The following COMMD1 variants were observed in gnomAD, a reference collection of about 807,000 sequenced individuals.
The protein encoded by COMMD1 is COMM domain-containing protein 1.
A neutral mutation model predicts 17.2 loss-of-function variants in COMMD1; 10 were observed. The ratio of observed to expected loss-of-function variants is 0.58; its 90% CI spans 0.36 to 0.99. The LOEUF is 0.99. Among genes scored for constraint, COMMD1 ranks in the 50% least tolerant of loss-of-function variants. COMMD1 has a pLI of 0.01. For synonymous variants in COMMD1, 97 were observed against 91.6 expected (o/e 1.06, Z -0.34); for missense variants, 270 against 231.8 (o/e 1.17, Z -1.07).
At chr2:61,903,727 A>AT (rs1281048335), upstream of COMMD1, among the ~76,000 whole-genome samples, 2 of 150,252 alleles carry the variant, frequency 1.3e-5, no homozygotes, top group Admixed American at 6.6e-5. Flanking sequence ...TAATTTTTGT[A>AT]TTTTCAGTTT....
chr2:62,115,989 G>A (rs1428390989), intron 2 of COMMD1, among the ~76,000 whole-genome samples: 1 of 151,412 alleles, frequency 6.6e-6, no homozygotes, highest in Non-Finnish European at 1.5e-5. Context: ...AGTAGCTACA[G>A]GCATGAGGCA....
At chr2:62,009,919 TA>T (rs1669231669) in intron 2 of COMMD1, among the ~76,000 whole-genome samples, 1 of 152,142 alleles carries the variant, frequency 6.6e-6, no homozygotes, top group Non-Finnish European at 1.5e-5. Context: ...ACTAGTGAAA[TA>T]AAAATGTAAG....
chr2:61,960,289 T>G (rs1671306968), intron 1 of COMMD1, among the ~76,000 whole-genome samples: 1 of 152,234 alleles, frequency 6.6e-6, no homozygotes, highest in Non-Finnish European at 1.5e-5. Flanking sequence ...ACTTTGTTGT[T>G]TGGCCTGATC....
chr2:62,061,716 C>T (rs556335061), intron 2 of COMMD1, among the ~76,000 whole-genome samples: 22 of 151,606 alleles, frequency 1.5e-4, no homozygotes, highest in Non-Finnish European at 7.4e-5. Context: ...CCACCATGCC[C>T]GGCTAATTTT....
At chr2:61,928,093 A>T (rs1024865499) in intron 1 of COMMD1, among the ~76,000 whole-genome samples, 3 of 151,810 alleles carry the variant, frequency 2.0e-5, no homozygotes, top group African/African-American at 7.2e-5. Flanking sequence ...GACCAGTGTG[A>T]TAGTAACCTT....
At chr2:61,958,376 C>T (rs1015673322) in intron 1 of COMMD1, among the ~76,000 whole-genome samples, 6 of 151,900 alleles carry the variant, frequency 3.9e-5, no homozygotes, top group Non-Finnish European at 7.4e-5. Context: ...AAGCTATTCT[C>T]CTGCCTCAGC....
chr2:61,999,441 T>C (rs1027773522), intron 1 of COMMD1, among the ~76,000 whole-genome samples: 2 of 152,216 alleles, frequency 1.3e-5, no homozygotes, highest in African/African-American at 4.8e-5. Context: ...AAAGCTAAGA[T>C]AAATACATTC....
chr2:62,056,549 C>T (rs1384470254), intron 2 of COMMD1, among the ~76,000 whole-genome samples: 1 of 152,152 alleles, frequency 6.6e-6, no homozygotes, highest in Non-Finnish European at 1.5e-5. Context: ...TTTAAGTCGG[C>T]AGATAAAGTG....
chr2:62,030,178 T>C (rs1669875256), intron 2 of COMMD1, among the ~76,000 whole-genome samples: 1 of 152,222 alleles, frequency 6.6e-6, no homozygotes, highest in Admixed American at 6.5e-5. Context: ...GATGGGGGTC[T>C]TATGGCCCAC....
At chr2:61,944,732 A>C (rs1241755172) in intron 1 of COMMD1, among the ~76,000 whole-genome samples, 1 of 152,048 alleles carries the variant, frequency 6.6e-6, no homozygotes, top group African/African-American at 2.4e-5. Context: ...TCTGCCCATC[A>C]CTCGTGAAAA....
intron 2 of COMMD1, among the ~76,000 whole-genome samples, chr2:62,014,542 CTTTTTTTTTTTTTTTTTTTTTTT>C (rs67886279): frequency 2.4e-4 from 15 of 63,536 alleles, no homozygotes; most frequent in East Asian, 1.3e-3. Flanking sequence ...CCATTTTAAC[CTTTTTTTTTTTTTTTTTTTTTTT>C]TTTTTTTTTT....
At chr2:61,904,375 A>T (rs1008871258), upstream of COMMD1, among the ~76,000 whole-genome samples, 2 of 152,196 alleles carry the variant, frequency 1.3e-5, no homozygotes, top group African/African-American at 4.8e-5. Context: ...ATGACTGTAG[A>T]GTGAGGAAAG....
Position 62,025,970 on chromosome 2 carries a change from G to A in COMMD1, c.462+24988G>A, listed in dbSNP as rs181255775. 6.6e-5 allele frequency among the ~76,000 whole-genome samples: 10 copies of A among 152,134 alleles called. No homozygotes were observed. In the East Asian group the frequency reaches 7.7e-4, roughly 12 times the overall value. On this transcript the variant is annotated intron_variant, in intron 2 of 2. Coordinates refer to ENST00000311832, the MANE Select transcript of COMMD1 (RefSeq NM_152516.4). ...TGGCCTCCCAAAGTGGTGGGATTAC[G>A]GGTGTGAGCTACTGTGCCTGGCCAG...
In COMMD1 at chr2:62,035,986, G is replaced by A. The variant is rs372129685; in HGVS notation, c.462+35004G>A. Among the ~76,000 whole-genome samples, 36 of 151,958 alleles carry A rather than the reference G, an allele frequency of 2.4e-4. 1 individual carries two copies. Among genetic ancestry groups the A allele is most frequent in the African/African-American group, 5.1e-4 (21 of 41,460 alleles). ...GGAGGATGTCTGGATCCTGGGAGGC[G>A]GAGGCTGCATTGAGTCAAGATTACT... On this transcript the variant is annotated intron_variant, in intron 2 of 2. Coordinates refer to ENST00000311832, the MANE Select transcript of COMMD1 (RefSeq NM_152516.4).
intron 2 of COMMD1, 37 bp from the exon 3 acceptor site, chr2:62,135,794 G>T: frequency 9.4e-7 from 1 of 1,059,014 alleles, no homozygotes; most frequent in Non-Finnish European, 1.5e-6. Context: ...TGGCTATCTT[G>T]TGGTTTCCCT....
intron 2 of COMMD1, among the ~76,000 whole-genome samples, chr2:62,093,473 G>A (rs1466976813): frequency 6.6e-6 from 1 of 152,124 alleles, no homozygotes; most frequent in East Asian, 1.9e-4. Flanking sequence ...GGAACTATGG[G>A]TTTTTTGTTA....
intron 1 of COMMD1, among the ~76,000 whole-genome samples, chr2:61,921,070 C>T (rs1395877334): frequency 2.0e-5 from 3 of 149,984 alleles, no homozygotes; most frequent in Non-Finnish European, 4.4e-5. Context: ...CTTCACCTCC[C>T]GGGTTCAAAT....
chr2:62,045,538 A>T (rs1476597901), intron 2 of COMMD1, among the ~76,000 whole-genome samples: 1 of 149,388 alleles, frequency 6.7e-6, no homozygotes, highest in African/African-American at 2.5e-5. Context: ...AGGGACTATT[A>T]TCATGCTTAC....
At chr2:61,977,825 A>G (rs1013543500) in intron 1 of COMMD1, among the ~76,000 whole-genome samples, 1 of 151,638 alleles carries the variant, frequency 6.6e-6, no homozygotes, top group African/African-American at 2.4e-5. Context: ...CATCTCTACT[A>G]AAAATACAAA....
Sources: allele counts gnomAD v4.1 joint callset (sites outside exome capture counted in the v4.1 genomes callset), GRCh38; gene constraint gnomAD v4.1.1; transcripts MANE v1.5; gene names NCBI Gene and HGNC (gene_info 2026-07-23, HGNC 2026-07-21).